PRKDC: variants seen among roughly 807,000 people sequenced by gnomAD.
PRKDC encodes protein kinase, DNA-activated, catalytic subunit, also known as DNA-dependent protein kinase catalytic subunit.
Under a neutral mutation model 486.9 loss-of-function variants are expected in PRKDC, and 82 were observed. That is an observed-to-expected ratio of 0.17 (90% CI 0.14 to 0.20). PRKDC has a LOEUF of 0.20. Among genes scored for constraint, PRKDC ranks in the 10% least tolerant of loss-of-function variants. The pLI, the probability that PRKDC is intolerant of heterozygous loss-of-function variation, is 1.00. For missense variants in PRKDC, 4,504 were observed against 5,038.2 expected (o/e 0.89, Z 3.21); for synonymous variants, 1,895 against 1,837.0 (o/e 1.03, Z -0.81).
At chr8:47,783,875 C>T (rs901218304) in intron 77 of PRKDC, 66 bp from the exon 78 acceptor site, 32 of 1,454,222 alleles carry the variant, frequency 2.2e-5, no homozygotes, top group Admixed American at 3.4e-5. Context: ...TTAAAACATG[C>T]CTCTTGATCT....
intron 10 of PRKDC, 86 bp downstream of exon 10, chr8:47,943,121 ATT>A (rs2090473275): frequency 1.4e-6 from 2 of 1,421,898 alleles, no homozygotes; most frequent in Non-Finnish European, 1.9e-6. Flanking sequence ...ATCAACTTGT[ATT>A]TATTTTCAAA....
Position 47,820,952 on chromosome 8 carries a change from C to T in PRKDC, c.9112-9G>A. On this transcript the variant is annotated splice_polypyrimidine_tract_variant and intron_variant, in intron 65 of 85. Coordinates refer to ENST00000314191, the MANE Select transcript of PRKDC (RefSeq NM_006904.7). ...TAAGGTAGATATGTTTCCTAAGGAA[C>T]ATAAAAATATACTTGTAACTACAGA... The T allele has an allele frequency of 2.0e-6, 3 of 1,525,372 alleles. No individual in the cohort carries two copies. The highest frequency in any genetic ancestry group is 2.7e-6 in the Non-Finnish European group (3 of 1,129,612). The allele number at this position is 1,525,372 out of a possible 1,614,324, so 94.5% of individuals were successfully genotyped here. A position where few individuals can be genotyped will look rare whatever the true frequency, so the allele number is the denominator to read the frequency against.
intron 40 of PRKDC, among the ~76,000 whole-genome samples, chr8:47,870,249 C>T (rs956439221): frequency 1.8e-4 from 28 of 152,218 alleles, no homozygotes; most frequent in African/African-American, 6.8e-4. Flanking sequence ...CTGTGCTGTG[C>T]TGTGCTTCAG....
At chr8:47,876,735 T>C (rs753746095) in intron 40 of PRKDC, among the ~76,000 whole-genome samples, 25 of 152,120 alleles carry the variant, frequency 1.6e-4, no homozygotes, top group Non-Finnish European at 2.9e-4. Context: ...CTAAATTGCA[T>C]TTTTGGTAAC....
At chr8:47,913,514 A>G (rs943165957) in intron 24 of PRKDC, among the ~76,000 whole-genome samples, 1 of 151,984 alleles carries the variant, frequency 6.6e-6, no homozygotes, top group Admixed American at 6.6e-5. Context: ...CTCCTGCCTC[A>G]GCCTACCGAG....
Position 47,819,383 on chromosome 8 carries a change from G to T in PRKDC, c.9445+19C>A. ...TCCACAATTAGAAATGAAAAAAAAA[G>T]ACCGATGAAAAAAATTACCTTGTTT... On this transcript the variant is annotated intron_variant, in intron 67 of 85. Transcript: ENST00000314191. 2 of 1,406,028 alleles carry T rather than the reference G, an allele frequency of 1.4e-6. No homozygotes were observed. Among genetic ancestry groups the T allele is most frequent in the South Asian group, 1.3e-5 (1 of 74,608 alleles). 87.1% of individuals were successfully genotyped at this position (1,406,028 alleles called of 1,614,324 possible).
chr8:47,794,603 ACG>A (rs1194796455), intron 73 of PRKDC, 102 bp from the exon 74 acceptor site: 8 of 1,056,994 alleles, frequency 7.6e-6, no homozygotes, highest in Non-Finnish European at 1.1e-5. Context: ...AAGTATAAAA[ACG>A]CAAGTACAAA....
rs535879052 is a variant in PRKDC, at chr8:47,836,223, C to T, written c.7951+115G>A. The T allele has an allele frequency of 4.4e-5, 48 of 1,084,744 alleles. No individual in the cohort carries two copies. The South Asian group carries it at 1.5e-3, about 33-fold the overall frequency. 67.2% of individuals were successfully genotyped at this position (1,084,744 alleles called of 1,614,324 possible). The stretch of plus-strand genomic sequence containing the variant: ...AATGACATCTTCCTTGGGTTCTTAA[C>T]GCTTTTTGCTATTATCCCTTACTTC... On this transcript the variant is annotated intron_variant, in intron 58 of 85. Transcript: ENST00000314191.
intron 52 of PRKDC, 79 bp downstream of exon 52, chr8:47,852,594 T>C: frequency 1.2e-6 from 1 of 844,756 alleles, no homozygotes; most frequent in Non-Finnish European, 1.8e-6. Context: ...ATACAAGAAA[T>C]AAACATATAA....
chr8:47,864,449 A>G (rs1044253527), intron 41 of PRKDC, 107 bp downstream of exon 41: 1 of 1,003,974 alleles, frequency 1.0e-6, no homozygotes, highest in Middle Eastern at 3.3e-4. Flanking sequence ...GTTATGTGGC[A>G]CACTCCTTGA....
At chr8:47,929,060 G>A (rs750823735) in intron 19 of PRKDC, 32 bp downstream of exon 19, 2 of 1,371,150 alleles carry the variant, frequency 1.5e-6, no homozygotes, top group East Asian at 2.5e-5. Flanking sequence ...AACAGTTCAT[G>A]ATAACACTAA....
intron 74 of PRKDC, among the ~76,000 whole-genome samples, chr8:47,789,946 ACACT>A (rs1427114001): frequency 6.6e-6 from 1 of 152,232 alleles, no homozygotes; most frequent in Non-Finnish European, 1.5e-5. Context: ...CATGTACAAC[ACACT>A]CACAGCTAGT....
At chr8:47,887,736 CAA>C in intron 34 of PRKDC, 31 bp from the exon 35 acceptor site, 1 of 1,557,168 alleles carries the variant, frequency 6.4e-7, no homozygotes, top group Non-Finnish European at 8.7e-7. Flanking sequence ...AAATGCCTAG[CAA>C]AAAGATATTT....
intron 56 of PRKDC, among the ~76,000 whole-genome samples, chr8:47,837,661 G>A (rs2088057481): frequency 6.6e-6 from 1 of 151,902 alleles, no homozygotes; most frequent in African/African-American, 2.4e-5. Flanking sequence ...GGGAGAAACT[G>A]GGTGATTTTA....
chr8:47,956,337 G>A (rs1206143357), intron 3 of PRKDC, among the ~76,000 whole-genome samples: 1 of 152,082 alleles, frequency 6.6e-6, no homozygotes, highest in African/African-American at 2.4e-5. Context: ...ACTCCAGCCT[G>A]AAAGTATTCA....
chr8:47,814,833 T>C (rs577611556), intron 68 of PRKDC, among the ~76,000 whole-genome samples: 70 of 152,236 alleles, frequency 4.6e-4, no homozygotes, highest in Middle Eastern at 3.4e-3. Flanking sequence ...AAAATGTAAA[T>C]AGAAATGCAG....
chr8:47,866,156 CAAA>C (rs766279016), intron 40 of PRKDC, among the ~76,000 whole-genome samples: 659 of 52,284 alleles, frequency 0.013, 4 homozygotes, highest in South Asian at 0.047. Flanking sequence ...AACTCCGTCG[CAAA>C]AAAAAAAAAA....
chr8:47,912,837 A>G (rs936786827), intron 24 of PRKDC, among the ~76,000 whole-genome samples: 1 of 152,264 alleles, frequency 6.6e-6, no homozygotes, highest in Non-Finnish European at 1.5e-5. Context: ...AAAGAACTAT[A>G]TAACTTTGCT....
intron 25 of PRKDC, among the ~76,000 whole-genome samples, chr8:47,909,947 T>G (rs2089864807): frequency 6.6e-6 from 1 of 152,172 alleles, no homozygotes; most frequent in Non-Finnish European, 1.5e-5. Flanking sequence ...AATTCTAATT[T>G]TGCCTTGCCT....
Sources: gnomAD v4.1 joint callset for allele counts (sites outside exome capture counted in the v4.1 genomes callset) on GRCh38, gnomAD v4.1.1 for gene constraint, MANE v1.5 for transcripts, NCBI Gene and HGNC (gene_info 2026-07-23, HGNC 2026-07-21) for gene names.